Variants in TTLL7 observed in about 807,000 individuals in gnomAD.
TTLL7 encodes the protein tubulin polyglutamylase TTLL7.
A neutral mutation model predicts 120.2 loss-of-function variants in TTLL7; 53 were observed. The observed-to-expected ratio is 0.44, with a 90% CI of 0.35 to 0.55. The LOEUF (loss-of-function observed/expected upper bound fraction) is 0.55, where lower values mean the gene tolerates loss of function less well. Among genes scored for constraint, TTLL7 ranks in the 20% least tolerant of loss-of-function variants. The probability of loss-of-function intolerance (pLI) is 0.00; values close to 1 mark genes in which losing one functional copy is unlikely to be tolerated. For missense variants in TTLL7, 803 were observed against 1,054.7 expected, an observed-to-expected ratio of 0.76 and a Z score of 3.31; for synonymous variants, 353 against 351.7, an observed-to-expected ratio of 1.00 and a Z score of -0.04.
chr1:83,983,580 GC>G (rs1652172888), intron 1 of TTLL7, among the ~76,000 whole-genome samples: 1 of 152,070 alleles, frequency 6.6e-6, no homozygotes, highest in African/African-American at 2.4e-5. Context: ...ATGGCTAAGT[GC>G]CCAAATGCAA....
intron 6 of TTLL7, among the ~76,000 whole-genome samples, chr1:83,944,245 G>A (rs996653956): frequency 6.6e-6 from 1 of 152,060 alleles, no homozygotes; most frequent in Admixed American, 6.6e-5. Context: ...AATATTTGAA[G>A]AAATACTGGC....
At chr1:83,996,888 G>C (rs1653533419) in intron 1 of TTLL7, among the ~76,000 whole-genome samples, 1 of 151,126 alleles carries the variant, frequency 6.6e-6, no homozygotes, top group African/African-American at 2.4e-5. Context: ...TTTAACAGCA[G>C]TGGTATTGTA....
At chr1:83,966,072 G>T (rs2100553798) in intron 1 of TTLL7, among the ~76,000 whole-genome samples, 1 of 152,260 alleles carries the variant, frequency 6.6e-6, no homozygotes, top group Non-Finnish European at 1.5e-5. Context: ...TCTGGATGTT[G>T]CTTTGAAGAT....
chr1:83,938,646 T>C (rs1450148864), intron 7 of TTLL7, among the ~76,000 whole-genome samples: 1 of 152,176 alleles, frequency 6.6e-6, no homozygotes. Context: ...TGGAGTTCTA[T>C]GTTTTTGTCT....
At chr1:83,974,746 T>G (rs1288984415) in intron 1 of TTLL7, among the ~76,000 whole-genome samples, 2 of 152,092 alleles carry the variant, frequency 1.3e-5, no homozygotes, top group African/African-American at 4.8e-5. Flanking sequence ...TACATGTTTT[T>G]ATCTTTGTCA....
intron 1 of TTLL7, among the ~76,000 whole-genome samples, chr1:83,966,444 C>T (rs565248143): frequency 7.2e-5 from 11 of 151,982 alleles, no homozygotes. Flanking sequence ...CCGACTAATA[C>T]ATTCATTATT....
intron 19 of TTLL7, among the ~76,000 whole-genome samples, chr1:83,888,217 A>G (rs1350537428): frequency 6.6e-6 from 1 of 151,980 alleles, no homozygotes; most frequent in East Asian, 1.9e-4. Flanking sequence ...GGATTCATAT[A>G]TAGCATCAAG....
chr1:83,870,468 G>A (rs1653266992), intron 20 of TTLL7, among the ~76,000 whole-genome samples: 1 of 152,190 alleles, frequency 6.6e-6, no homozygotes. Flanking sequence ...TGTTTCAAGG[G>A]AGGCGGAACC....
Position 83,911,308 on chromosome 1 carries a change from C to T in TTLL7, c.1643G>A (p.Ser548Asn), listed in dbSNP as rs878859595. 2 of 1,613,796 alleles carry T rather than the reference C, an allele frequency of 1.2e-6. No homozygotes were observed. The change falls in exon 15 of 21, where the codon AGC (serine) becomes AAC (asparagine). Residue 548 changes from serine (S) to asparagine (N), a missense_variant. Physicochemically the swap from Ser to Asn is conservative, Grantham distance 46. Coordinates refer to ENST00000260505, the MANE Select transcript of TTLL7 (RefSeq NM_024686.6). ...TEIMKRPKYCSSDSSYDSSSS... is the reference protein window; with the variant it reads ...TEIMKRPKYCNSDSSYDSSSS... ...GCTACTATCATAACTGCTGTCACTGCTGCAGTACTTTGGTCTTTTCATTAT... is the reference window on the plus strand; with the variant it reads ...GCTACTATCATAACTGCTGTCACTGTTGCAGTACTTTGGTCTTTTCATTAT...
chr1:83,929,013 A>G lies in TTLL7; in HGVS notation c.1142+123T>C. The G allele has an allele frequency of 1.2e-5, 5 of 433,032 alleles. No individual in the cohort carries two copies. The South Asian group carries it at 3.0e-4, about 26-fold the overall frequency. The allele number at this position is 433,032 out of a possible 1,614,324, so 26.8% of individuals were successfully genotyped here. A position where few individuals can be genotyped will look rare whatever the true frequency, so the allele number is the denominator to read the frequency against. On this transcript the variant is annotated intron_variant, in intron 10 of 20. Coordinates refer to ENST00000260505, the MANE Select transcript of TTLL7 (RefSeq NM_024686.6). ...GAAAAATACAAAATGGATGGAATCA[A>G]GAAATGAAAATTATAAAATATAAAA...
At chr1:83,893,423 C>A (rs761679026) in intron 18 of TTLL7, among the ~76,000 whole-genome samples, 14 of 152,026 alleles carry the variant, frequency 9.2e-5, no homozygotes, top group Non-Finnish European at 1.9e-4. Flanking sequence ...ATATTCTGAT[C>A]TCCATTCATC....
intron 3 of TTLL7, 128 bp downstream of exon 3, chr1:83,951,717 T>G (rs1011711663): frequency 1.3e-4 from 136 of 1,013,396 alleles, no homozygotes; most frequent in Non-Finnish European, 1.7e-4. Flanking sequence ...AGAAATTTTA[T>G]AGAAGGCATT....
At chr1:83,944,736 T>TTA (rs1456061906) in intron 6 of TTLL7, among the ~76,000 whole-genome samples, 1 of 152,144 alleles carries the variant, frequency 6.6e-6, no homozygotes, top group Non-Finnish European at 1.5e-5. Flanking sequence ...AAAGTCTCTC[T>TTA]TACTGTAGTT....
At position 83,947,124 on chromosome 1, in the gene TTLL7, C is replaced by G; in HGVS notation, c.506G>C (p.Gly169Ala). Residue 169 changes from glycine to alanine, a missense_variant and splice_region_variant, in exon 6 of 21, where the codon GGG (glycine) becomes GCG (alanine). By Grantham distance (60) the Gly-to-Ala change is moderately conservative (BLOSUM62 0). This residue lies in a region of TTLL7 where 324 missense variants were observed against 507.7 expected (regional missense o/e 0.64). Transcript: ENST00000260505. ...VKPANGAMGH[G>A]ISLIRNGDKL... ...ATATTCCAAATAAAAGCAAACCTAC[C>G]CATGACCCATTGCACCATTAGCTGG... The G allele has an allele frequency of 6.2e-7, 1 of 1,603,558 alleles. No individual in the cohort carries two copies. Among genetic ancestry groups the G allele is most frequent in the Non-Finnish European group, 8.5e-7 (1 of 1,177,000 alleles).
chr1:83,933,552 T>C, intron 9 of TTLL7, 56 bp downstream of exon 9: 1 of 1,547,792 alleles, frequency 6.5e-7, no homozygotes, highest in South Asian at 1.2e-5. Flanking sequence ...TTAAAGCATT[T>C]ATTTTAATAC....
At chr1:83,970,826 G>A (rs1318976524) in intron 1 of TTLL7, among the ~76,000 whole-genome samples, 3 of 151,984 alleles carry the variant, frequency 2.0e-5, no homozygotes, top group Non-Finnish European at 4.4e-5. Flanking sequence ...AATAAAGGGT[G>A]TATGATAATG....
At chr1:83,943,998 TATA>T (rs1453066915) in intron 6 of TTLL7, among the ~76,000 whole-genome samples, 1 of 152,022 alleles carries the variant, frequency 6.6e-6, no homozygotes, top group Non-Finnish European at 1.5e-5. Flanking sequence ...AGTTGAGAAG[TATA>T]ATAACTGAGA....
chr1:83,892,493 T>TGAACATATGA (rs1557564763), intron 18 of TTLL7, among the ~76,000 whole-genome samples: 3 of 114,646 alleles, frequency 2.6e-5, no homozygotes, highest in Non-Finnish European at 5.8e-5. Context: ...TGAACATATA[T>TGAACATATGA]ATGAACATAT....
At chr1:83,948,549 C>T (rs1648732770) in intron 5 of TTLL7, 79 bp downstream of exon 5, 1 of 948,662 alleles carries the variant, frequency 1.1e-6, no homozygotes, top group Admixed American at 2.0e-5. Flanking sequence ...ATCAATGTAA[C>T]CTTGTGAAAG....
Sources: gnomAD v4.1 joint callset for allele counts (sites outside exome capture counted in the v4.1 genomes callset) on GRCh38, gnomAD v4.1.1 for gene constraint, gnomAD v4.1.1 regional missense constraint, MANE v1.5 for transcripts, NCBI Gene and HGNC (gene_info 2026-07-23, HGNC 2026-07-21) for gene names.